The following PRLR variants were observed in gnomAD, a reference collection of about 807,000 sequenced individuals.
PRLR encodes hPRL receptor.
In PRLR, 13 loss-of-function variants were observed where a neutral mutation model predicts 40.2. The ratio of observed to expected loss-of-function variants is 0.32; its 90% CI spans 0.21 to 0.51. PRLR has a LOEUF of 0.51. Among genes scored for constraint, PRLR ranks in the 20% least tolerant of loss-of-function variants. The pLI, the probability that PRLR is intolerant of heterozygous loss-of-function variation, is 0.97. For synonymous variants in PRLR, 269 were observed against 278.7 expected (o/e 0.97, Z 0.35); for missense variants, 656 against 747.3 (o/e 0.88, Z 1.42).
intron 1 of PRLR, among the ~76,000 whole-genome samples, chr5:35,218,329 A>C (rs895639469): frequency 6.6e-6 from 1 of 152,214 alleles, no homozygotes; most frequent in African/African-American, 2.4e-5. Flanking sequence ...ACTTCCAATG[A>C]ACGCATGTTA....
At position 35,066,105 on chromosome 5, in the gene PRLR, A is replaced by C; in HGVS notation, c.856-3T>G. On this transcript the variant is annotated splice_polypyrimidine_tract_variant and splice_region_variant and intron_variant, in intron 9 of 9. Transcript: ENST00000618457. Reference sequence around the variant, plus strand: ...AGTAGTTCTTCAGACTTGCCCTTCTATTAAAACACAGACACAAGAAGAGAT... The same window carrying C: ...AGTAGTTCTTCAGACTTGCCCTTCTCTTAAAACACAGACACAAGAAGAGAT... The C allele has an allele frequency of 6.2e-7, 1 of 1,611,236 alleles. No homozygotes were observed. Among genetic ancestry groups the C allele is most frequent in the Non-Finnish European group, 8.5e-7 (1 of 1,178,378 alleles).
intron 2 of PRLR, among the ~76,000 whole-genome samples, chr5:35,104,134 T>C (rs1772070784): frequency 6.6e-6 from 1 of 152,104 alleles, no homozygotes; most frequent in South Asian, 2.1e-4. Context: ...CCTTACAGAA[T>C]GAAGGATGAG....
chr5:35,185,130 G>A (rs957625310), intron 1 of PRLR, among the ~76,000 whole-genome samples: 6 of 152,200 alleles, frequency 3.9e-5, no homozygotes, highest in African/African-American at 1.4e-4. Flanking sequence ...CTTTAGTTTT[G>A]CTCTCTAGGC....
At chr5:35,215,961 G>A (rs922331060) in intron 1 of PRLR, among the ~76,000 whole-genome samples, 4 of 150,962 alleles carry the variant, frequency 2.6e-5, no homozygotes, top group Non-Finnish European at 5.9e-5. Context: ...TCGCTTGAAC[G>A]CAGGAGGCAG....
At chr5:35,089,999 T>C (rs1771102577) in intron 2 of PRLR, among the ~76,000 whole-genome samples, 1 of 152,204 alleles carries the variant, frequency 6.6e-6, no homozygotes, top group African/African-American at 2.4e-5. Context: ...TCATCCATCT[T>C]ATGTAACATA....
chr5:35,153,870 G>A (rs1256497293), intron 1 of PRLR, among the ~76,000 whole-genome samples: 2 of 151,664 alleles, frequency 1.3e-5, no homozygotes, highest in East Asian at 1.9e-4. Context: ...ATTTGGTCCT[G>A]AGAAGGATCC....
intron 1 of PRLR, among the ~76,000 whole-genome samples, chr5:35,197,885 A>G (rs1775779156): frequency 6.6e-6 from 1 of 152,236 alleles, no homozygotes. Flanking sequence ...TGGACATGCA[A>G]TTGCATGAGG....
chr5:35,223,947 ATTG>A (rs1400810705), intron 1 of PRLR, among the ~76,000 whole-genome samples: 1 of 152,178 alleles, frequency 6.6e-6, no homozygotes, highest in East Asian at 1.9e-4. Flanking sequence ...ATTTTCTTAA[ATTG>A]TTATCTTCCC....
intron 1 of PRLR, among the ~76,000 whole-genome samples, chr5:35,208,175 G>GCACA (rs1381286643): frequency 0.024 from 3,444 of 145,370 alleles, 74 homozygotes; most frequent in African/African-American, 0.048. Flanking sequence ...ACCCACGCGC[G>GCACA]CGCACACACA....
At chr5:35,072,806 A>AT in intron 5 of PRLR, 62 bp from the exon 6 acceptor site, 1 of 1,562,454 alleles carries the variant, frequency 6.4e-7, no homozygotes, top group African/African-American at 1.4e-5. Context: ...TGGCTTTACC[A>AT]TTTTCTATTA....
intron 1 of PRLR, among the ~76,000 whole-genome samples, chr5:35,124,510 C>T (rs1224028333): frequency 6.6e-6 from 1 of 152,152 alleles, no homozygotes; most frequent in African/African-American, 2.4e-5. Context: ...TATCTGTAGT[C>T]TATAACCCCT....
At chr5:35,102,777 A>C (rs1460238247) in intron 2 of PRLR, among the ~76,000 whole-genome samples, 1 of 151,996 alleles carries the variant, frequency 6.6e-6, no homozygotes, top group Non-Finnish European at 1.5e-5. Context: ...TCCTGACCTC[A>C]GGTGATCCAC....
chr5:35,051,164 A>G (rs1768485641), downstream of PRLR, among the ~76,000 whole-genome samples: 1 of 152,226 alleles, frequency 6.6e-6, no homozygotes, highest in African/African-American at 2.4e-5. Context: ...AAAGCTAGGG[A>G]CACATGGATT....
At chr5:35,216,617 G>A (rs908268846) in intron 1 of PRLR, among the ~76,000 whole-genome samples, 4 of 152,170 alleles carry the variant, frequency 2.6e-5, no homozygotes, top group African/African-American at 9.7e-5. Flanking sequence ...TGGGACATAG[G>A]TCAACACCAA....
chr5:35,167,744 T>C (rs1045554800), intron 1 of PRLR, among the ~76,000 whole-genome samples: 1 of 152,054 alleles, frequency 6.6e-6, no homozygotes, highest in Non-Finnish European at 1.5e-5. Context: ...GAGTGAAAGA[T>C]GGATGCTATA....
chr5:35,086,722 G>T (rs1206182726), intron 3 of PRLR, among the ~76,000 whole-genome samples: 1 of 152,026 alleles, frequency 6.6e-6, no homozygotes, highest in East Asian at 1.9e-4. Context: ...ATCCCACAAG[G>T]TCTGTAAAGC....
intron 1 of PRLR, among the ~76,000 whole-genome samples, chr5:35,191,400 C>T (rs550744350): frequency 2.6e-5 from 4 of 152,058 alleles, no homozygotes; most frequent in African/African-American, 9.6e-5. Flanking sequence ...AACCTCTCTC[C>T]CCAGCCTGCC....
At chr5:35,071,023 A>G (rs189567697) in intron 6 of PRLR, among the ~76,000 whole-genome samples, 2 of 152,160 alleles carry the variant, frequency 1.3e-5, no homozygotes, top group Admixed American at 6.5e-5. Flanking sequence ...TCAAGGGATC[A>G]GTTTGTCATC....
intron 1 of PRLR, among the ~76,000 whole-genome samples, chr5:35,186,592 C>T (rs1610218): frequency 0.078 from 11,887 of 152,138 alleles, 916 homozygotes; most frequent in African/African-American, 0.19. Context: ...TGGTGCTACT[C>T]AAGGCACCTG....
Sources: allele counts gnomAD v4.1 joint callset (sites outside exome capture counted in the v4.1 genomes callset), GRCh38; gene constraint gnomAD v4.1.1; transcripts MANE v1.5; gene names NCBI Gene and HGNC (gene_info 2026-07-23, HGNC 2026-07-21).